Variants in SEMA6D observed in about 807,000 individuals in gnomAD.
SEMA6D encodes semaphorin 6D.
SEMA6D carries 35 observed loss-of-function variants against 106.6 expected under a neutral mutation model. The ratio of observed to expected loss-of-function variants is 0.33; its 90% CI spans 0.25 to 0.44. The LOEUF (loss-of-function observed/expected upper bound fraction) is 0.44. Ranked by LOEUF, SEMA6D falls within the 20% of genes least tolerant of loss-of-function variation. SEMA6D has a pLI of 1.00. For missense variants in SEMA6D, 1,185 were observed against 1,345.9 expected, an observed-to-expected ratio of 0.88 and a Z score of 1.87; for synonymous variants, 499 against 487.7, an observed-to-expected ratio of 1.02 and a Z score of -0.31.
At chr15:47,493,730 A>C (rs1479876861) in intron 3 of SEMA6D, among the ~76,000 whole-genome samples, 1 of 152,134 alleles carries the variant, frequency 6.6e-6, no homozygotes, top group African/African-American at 2.4e-5. Flanking sequence ...TCTTGTATAG[A>C]GGTGAGGAAA....
chr15:47,603,865 G>A (rs2076717409), intron 4 of SEMA6D: 1 of 152,072 alleles, frequency 6.6e-6, no homozygotes, highest in Non-Finnish European at 1.5e-5. Flanking sequence ...CCAAAGGCTG[G>A]CACTATGTTG....
At chr15:47,420,862 A>G (rs976543832) in intron 2 of SEMA6D, among the ~76,000 whole-genome samples, 1 of 152,258 alleles carries the variant, frequency 6.6e-6, no homozygotes, top group Admixed American at 6.5e-5. Flanking sequence ...AGGGGCAGCT[A>G]TTCAGTTCTC....
At chr15:47,436,085 C>T (rs4775686) in intron 2 of SEMA6D, among the ~76,000 whole-genome samples, 1 of 151,942 alleles carries the variant, frequency 6.6e-6, no homozygotes, top group Non-Finnish European at 1.5e-5. Context: ...AGATATGTAG[C>T]ACAAATTAAA....
intron 1 of SEMA6D, among the ~76,000 whole-genome samples, chr15:47,260,439 C>T (rs2034015543): frequency 6.6e-6 from 1 of 152,094 alleles, no homozygotes; most frequent in East Asian, 1.9e-4. Flanking sequence ...TATTTAGGCC[C>T]TCTTGGTTTA....
intron 4 of SEMA6D, among the ~76,000 whole-genome samples, chr15:47,654,816 G>A (rs2077760731): frequency 6.6e-6 from 1 of 152,250 alleles, no homozygotes; most frequent in African/African-American, 2.4e-5. Context: ...TTCTCCAGAA[G>A]CTGAGCAGGT....
chr15:47,430,827 C>T (rs940391808), intron 2 of SEMA6D, among the ~76,000 whole-genome samples: 10 of 152,046 alleles, frequency 6.6e-5, no homozygotes, highest in Non-Finnish European at 1.3e-4. Flanking sequence ...ACCATTTCAG[C>T]GGTGTAGCCT....
chr15:47,487,899 C>T (rs1041526864), intron 3 of SEMA6D, among the ~76,000 whole-genome samples: 33 of 152,066 alleles, frequency 2.2e-4, no homozygotes, highest in African/African-American at 7.2e-4. Context: ...TTTATATATG[C>T]AGCTCTTTCC....
At chr15:47,209,741 C>T (rs1046770520) in intron 1 of SEMA6D, among the ~76,000 whole-genome samples, 2 of 152,128 alleles carry the variant, frequency 1.3e-5, no homozygotes, top group Admixed American at 6.5e-5. Flanking sequence ...CAGCAATGCT[C>T]GTATGCCAAA....
intron 2 of SEMA6D, among the ~76,000 whole-genome samples, chr15:47,421,846 T>C (rs2041168966): frequency 6.6e-6 from 1 of 151,960 alleles, no homozygotes; most frequent in Non-Finnish European, 1.5e-5. Context: ...GCAATGTCCA[T>C]AGTGTGTAGG....
intron 1 of SEMA6D, among the ~76,000 whole-genome samples, chr15:47,201,609 A>G (rs181807269): frequency 2.6e-5 from 4 of 152,212 alleles, no homozygotes; most frequent in Non-Finnish European, 5.9e-5. Flanking sequence ...CACCCCCACT[A>G]GAGGATTCTT....
chr15:47,671,486 C>G (rs747558880), intron 4 of SEMA6D, among the ~76,000 whole-genome samples: 3 of 152,010 alleles, frequency 2.0e-5, no homozygotes, highest in African/African-American at 4.8e-5. Context: ...AAACATCAGA[C>G]AAAGGAAAAG....
chr15:47,384,635 G>A (rs149394349), intron 1 of SEMA6D, among the ~76,000 whole-genome samples: 7 of 152,232 alleles, frequency 4.6e-5, no homozygotes, highest in African/African-American at 1.4e-4. Context: ...ACGCCTACAC[G>A]CCTCATGCCC....
intron 1 of SEMA6D, among the ~76,000 whole-genome samples, chr15:47,334,669 G>GC (rs901240615): frequency 6.6e-5 from 10 of 152,290 alleles, no homozygotes; most frequent in African/African-American, 2.2e-4. Flanking sequence ...TGCTAGAAGG[G>GC]CCCTGGCCCA....
At chr15:47,329,880 C>T (rs1246303053) in intron 1 of SEMA6D, among the ~76,000 whole-genome samples, 2 of 152,194 alleles carry the variant, frequency 1.3e-5, no homozygotes, top group Non-Finnish European at 2.9e-5. Flanking sequence ...TCATCATCTC[C>T]TCAACTGGCT....
intron 1 of SEMA6D, among the ~76,000 whole-genome samples, chr15:47,370,259 A>C (rs1021380515): frequency 1.3e-5 from 2 of 152,200 alleles, no homozygotes; most frequent in African/African-American, 4.8e-5. Context: ...TCACACCTGT[A>C]ATTTCAGCAC....
chr15:47,207,290 A>G (rs964658221), intron 1 of SEMA6D, among the ~76,000 whole-genome samples: 6 of 152,032 alleles, frequency 3.9e-5, no homozygotes, highest in African/African-American at 1.4e-4. Flanking sequence ...TTTGTGCTTG[A>G]CCTTCTTATT....
At chr15:47,193,781 C>G (rs1317339669) in intron 1 of SEMA6D, among the ~76,000 whole-genome samples, 1 of 152,086 alleles carries the variant, frequency 6.6e-6, no homozygotes, top group Non-Finnish European at 1.5e-5. Flanking sequence ...GTCTCTAGCT[C>G]TGCCTTCTCC....
At chr15:47,481,932 A>T (rs879819542) in intron 3 of SEMA6D, among the ~76,000 whole-genome samples, 1 of 152,140 alleles carries the variant, frequency 6.6e-6, no homozygotes, top group Admixed American at 6.6e-5. Flanking sequence ...CCTGGAAGTT[A>T]TTTTCCGAGA....
chr15:47,573,896 T>C (rs1185158991), intron 3 of SEMA6D, among the ~76,000 whole-genome samples: 1 of 152,262 alleles, frequency 6.6e-6, no homozygotes, highest in Non-Finnish European at 1.5e-5. Context: ...GATTTCAACA[T>C]ATCCCTCATT....
Sources: allele counts gnomAD v4.1 joint callset (sites outside exome capture counted in the v4.1 genomes callset), GRCh38; gene constraint gnomAD v4.1.1; transcripts MANE v1.5; gene names NCBI Gene and HGNC (gene_info 2026-07-23, HGNC 2026-07-21).